TRPM3: variants seen among roughly 807,000 people sequenced by gnomAD.
TRPM3 encodes the protein long transient receptor potential channel 3.
TRPM3 carries 77 observed loss-of-function variants against 181.2 expected under a neutral mutation model. That is an observed-to-expected ratio of 0.42 (90% CI 0.35 to 0.51). TRPM3 has a LOEUF of 0.51. TRPM3 is among the 20% of genes least tolerant of loss of function. The pLI is 0.01. For missense variants in TRPM3, 1,759 were observed against 2,196.7 expected (o/e 0.80, Z 3.98); for synonymous variants, 745 against 796.4 (o/e 0.94, Z 1.09).
At chr9:70,610,815 A>G (rs1760438752) in intron 18 of TRPM3, 66 bp from the exon 19 acceptor site, 21 of 1,570,570 alleles carry the variant, frequency 1.3e-5, no homozygotes, top group Middle Eastern at 1.9e-4. Context: ...CAATGTGCTT[A>G]CTTTACAGAT....
intron 6 of TRPM3, among the ~76,000 whole-genome samples, chr9:70,811,725 G>A (rs2092072245): frequency 6.6e-6 from 1 of 152,060 alleles, no homozygotes; most frequent in African/African-American, 2.4e-5. Context: ...AGAGAAATAA[G>A]TGTTCTAGTT....
chr9:70,912,863 A>G (rs1348327377), intron 1 of TRPM3, among the ~76,000 whole-genome samples: 3 of 152,178 alleles, frequency 2.0e-5, no homozygotes, highest in Non-Finnish European at 4.4e-5. Flanking sequence ...TAAACTACAC[A>G]TATTCAAAAT....
In TRPM3 at chr9:70,828,001, C is replaced by A; in HGVS notation, c.819G>T (p.Gln273His). ...GCTTGCTCATGGGATTGGACATGGT[C>A]TGGTATGGCCGGACAACCTGCAGGG... ...LIGRDVVRPY[Q>H]TMSNPMSKLT... Residue 273 changes from glutamine to histidine, a missense_variant, in exon 6 of 26, where the codon CAG (glutamine) becomes CAT (histidine). By Grantham distance (24) the Gln-to-His change is conservative. Transcript: ENST00000677713. 6.2e-7 allele frequency: 1 copy of A among 1,612,910 alleles called. No homozygotes were observed.
At chr9:70,928,721 A>T (rs1050264264) in intron 1 of TRPM3, among the ~76,000 whole-genome samples, 1 of 152,216 alleles carries the variant, frequency 6.6e-6, no homozygotes, top group African/African-American at 2.4e-5. Flanking sequence ...CCTGAGGAAC[A>T]TGATGTACAG....
rs546822123 is a variant in TRPM3, at chr9:71,025,805, A to T, written c.177+95373T>A. ...CCAACTAAACACAGCCAGGAGGAAC[A>T]TCTCCCACTGAGGGAACAGGACACC... is the stretch of plus-strand genomic sequence containing the variant. On this transcript the variant is annotated intron_variant, in intron 1 of 25. Coordinates refer to ENST00000677713, the MANE Select transcript of TRPM3 (RefSeq NM_001366145.2). Among the ~76,000 whole-genome samples, 9 of 152,320 alleles carry T rather than the reference A, an allele frequency of 5.9e-5. No individual in the cohort carries two copies. In the East Asian group the frequency reaches 1.7e-3, roughly 29 times the overall value.
chr9:70,867,751 T>C (rs1026346240), intron 1 of TRPM3, among the ~76,000 whole-genome samples: 3 of 152,126 alleles, frequency 2.0e-5, no homozygotes, highest in African/African-American at 7.2e-5. Context: ...ATAATTACTA[T>C]ATTGTGAGCT....
chr9:70,701,469 T>C (rs934316097), intron 8 of TRPM3, among the ~76,000 whole-genome samples: 1 of 152,188 alleles, frequency 6.6e-6, no homozygotes, highest in African/African-American at 2.4e-5. Flanking sequence ...GAAGCGGTGG[T>C]TTCTGTGGCA....
At chr9:70,757,351 C>A (rs892688049) in intron 8 of TRPM3, among the ~76,000 whole-genome samples, 1 of 152,118 alleles carries the variant, frequency 6.6e-6, no homozygotes, top group Non-Finnish European at 1.5e-5. Flanking sequence ...AATAGCCTAC[C>A]AACCAATAAA....
Position 70,534,815 on chromosome 9 carries a change from A to G in TRPM3, c.*1138T>C, listed in dbSNP as rs1485406121. On this transcript the variant is annotated 3_prime_UTR_variant, in exon 26 of 26. Transcript: ENST00000677713. ...TGCTGAGCTCAGATTAGATGGCAAA[A>G]CTCTAGGTATGAAAATATCCACATA... 2 of 152,160 alleles carry G rather than the reference A, an allele frequency of 1.3e-5. No individual in the cohort carries two copies. Among genetic ancestry groups the G allele is most frequent in the African/African-American group, 2.4e-5 (1 of 41,414 alleles). The allele number at this position is 152,160 out of a possible 1,614,324, so 9.4% of individuals were successfully genotyped here. A position where few individuals can be genotyped will look rare whatever the true frequency, so the allele number is the denominator to read the frequency against.
chr9:71,314,115 G>A (rs533007543), intron 1 of TRPM3, among the ~76,000 whole-genome samples: 19 of 152,054 alleles, frequency 1.2e-4, no homozygotes, highest in African/African-American at 3.9e-4. Flanking sequence ...ATGTTGCTGG[G>A]CATTATAATG....
chr9:70,745,824 CAAG>C (rs1237313148), intron 8 of TRPM3, among the ~76,000 whole-genome samples: 1 of 152,028 alleles, frequency 6.6e-6, no homozygotes, highest in Non-Finnish European at 1.5e-5. Context: ...CTAAAATGAT[CAAG>C]AAGGGAAGAT....
intron 1 of TRPM3, among the ~76,000 whole-genome samples, chr9:71,068,378 C>T (rs2062222389): frequency 6.6e-6 from 1 of 152,178 alleles, no homozygotes; most frequent in Admixed American, 6.5e-5. Context: ...TTCTGGCATC[C>T]ACTGGAGTCT....
chr9:70,746,527 G>A (rs2075195906), intron 8 of TRPM3, among the ~76,000 whole-genome samples: 1 of 152,116 alleles, frequency 6.6e-6, no homozygotes, highest in Non-Finnish European at 1.5e-5. Context: ...GTCTTCTCCA[G>A]TGTCTAAGGG....
chr9:71,231,742 A>T (rs2081065974), intron 1 of TRPM3, among the ~76,000 whole-genome samples: 1 of 152,190 alleles, frequency 6.6e-6, no homozygotes, highest in Non-Finnish European at 1.5e-5. Flanking sequence ...GTCAACACGG[A>T]CATTAACATG....
rs192020210 is a variant in TRPM3 at position 71,415,653 on chromosome 9, C to T, written c.183+31000G>A. Among the ~76,000 whole-genome samples, 13 of 152,024 alleles carry T rather than the reference C, an allele frequency of 8.6e-5. No homozygotes were observed. In the East Asian group the frequency reaches 9.7e-4, roughly 11 times the overall value. ...GTATATGACCATTATATCCTTAACA[C>T]GGAAAACTGACTAATTCCCACTTAT... On this transcript the variant is annotated intron_variant, in intron 1 of 24. Transcript: ENST00000357533.
chr9:71,167,713 T>C (rs1411196156), intron 1 of TRPM3, among the ~76,000 whole-genome samples: 1 of 152,054 alleles, frequency 6.6e-6, no homozygotes, highest in East Asian at 1.9e-4. Context: ...ATGAGAGCTC[T>C]TTTTTAAAAA....
intron 3 of TRPM3, among the ~76,000 whole-genome samples, chr9:70,847,393 C>T (rs998236380): frequency 6.6e-6 from 1 of 152,028 alleles, no homozygotes; most frequent in Admixed American, 6.6e-5. Flanking sequence ...TATAGAAAGT[C>T]CTTTGAAATA....
intron 9 of TRPM3, among the ~76,000 whole-genome samples, chr9:70,647,558 A>T (rs934732969): frequency 2.0e-5 from 3 of 152,248 alleles, no homozygotes; most frequent in African/African-American, 7.2e-5. Flanking sequence ...AATAAGAGCC[A>T]TCTATGATAA....
chr9:71,327,090 A>G (rs1157332264), intron 1 of TRPM3, among the ~76,000 whole-genome samples: 3 of 152,226 alleles, frequency 2.0e-5, no homozygotes, highest in African/African-American at 4.8e-5. Context: ...ACAGATCCAG[A>G]TTAGTTGGTA....
Sources: gnomAD v4.1 joint callset for allele counts (sites outside exome capture counted in the v4.1 genomes callset) on GRCh38, gnomAD v4.1.1 for gene constraint, MANE v1.5 for transcripts, NCBI Gene and HGNC (gene_info 2026-07-23, HGNC 2026-07-21) for gene names.